The following PCDHGA6 variants were observed in gnomAD, a reference collection of about 807,000 sequenced individuals.
The protein encoded by PCDHGA6 is protocadherin gamma-A6.
Under a neutral mutation model 60.6 loss-of-function variants are expected in PCDHGA6, and 41 were observed. The ratio of observed to expected loss-of-function variants is 0.68; its 90% confidence interval spans 0.53 to 0.88. The LOEUF (loss-of-function observed/expected upper bound fraction) is 0.88. PCDHGA6 is among the 40% of genes least tolerant of loss of function. The probability of loss-of-function intolerance (pLI) is 0.00; values close to 1 mark genes in which losing one functional copy is unlikely to be tolerated. For missense variants in PCDHGA6, 1,312 were observed against 1,203.0 expected, an observed-to-expected ratio of 1.09 and a Z score of -1.34; for synonymous variants, 594 against 524.4, an observed-to-expected ratio of 1.13 and a Z score of -1.81.
At chr5:141,427,650 G>C (rs1352503291) in intron 1 of PCDHGA6, 1 of 718,312 alleles carries the variant, frequency 1.4e-6, no homozygotes. Flanking sequence ...AGTCTCCTAC[G>C]TGGTCCACGT....
At chr5:141,439,496 G>A (rs1166315364) in intron 1 of PCDHGA6, among the ~76,000 whole-genome samples, 2 of 152,152 alleles carry the variant, frequency 1.3e-5, no homozygotes, top group Non-Finnish European at 2.9e-5. Context: ...AGTGAGAAAC[G>A]TCTTTCTCTC....
chr5:141,410,617 T>A, intron 1 of PCDHGA6: 2 of 1,603,978 alleles, frequency 1.2e-6, no homozygotes, highest in Non-Finnish European at 1.7e-6. Flanking sequence ...AGACTCTGAC[T>A]TCGGTGAGTT....
intron 1 of PCDHGA6, chr5:141,399,111 A>G (rs1561667842): frequency 1.9e-6 from 3 of 1,613,732 alleles, no homozygotes; most frequent in East Asian, 2.2e-5. Context: ...CACAATGTAC[A>G]GTTGAAATTA....
intron 1 of PCDHGA6, among the ~76,000 whole-genome samples, chr5:141,462,783 T>C (rs1313584666): frequency 6.6e-6 from 1 of 152,236 alleles, no homozygotes; most frequent in Non-Finnish European, 1.5e-5. Flanking sequence ...CATAATTTGT[T>C]GCTTATTTGC....
chr5:141,438,591 C>CATATATATATAT (rs946798767), intron 1 of PCDHGA6, among the ~76,000 whole-genome samples: 3 of 75,560 alleles, frequency 4.0e-5, no homozygotes, highest in Non-Finnish European at 5.4e-5. Flanking sequence ...TACATACATA[C>CATATATATATAT]ATATATATAT....
Position 141,431,559 on chromosome 5 carries a change from C to T in PCDHGA6, c.2424+55052C>T. 6.2e-7 allele frequency: 1 copy of T among 1,614,158 alleles called. No individual in the cohort carries two copies. On this transcript the variant is annotated intron_variant, in intron 1 of 3. Transcript: ENST00000517434. The surrounding 1 kb of genome is among the most constrained non-coding windows in gnomAD (Gnocchi z 4.8). ...ACGCAGCTGCTTGTAGTCAACGCTA[C>T]CGACCCTGACGAAGGAGTCAATGCG...
In PCDHGA6 at chr5:141,375,200, G is replaced by C. The variant is rs755732164; in HGVS notation, c.1117G>C (p.Asp373His). ...GTVIALFQVFDRDSGLNGLVT... is the reference protein window; with the variant it reads ...GTVIALFQVFHRDSGLNGLVT... ...AGTAATCGCCCTTTTTCAAGTGTTC[G>C]ATCGAGACTCTGGCCTGAATGGCCT... The change falls in exon 1 of 4, where the codon GAT becomes CAT. Residue 373 changes from aspartate to histidine, a missense_variant. Transcript: ENST00000517434. The C allele has an allele frequency of 1.9e-6, 3 of 1,613,940 alleles. No homozygotes were observed. The highest frequency in any genetic ancestry group is 2.5e-6 in the Non-Finnish European group (3 of 1,179,894).
At chr5:141,413,924 A>T in intron 1 of PCDHGA6, 1 of 1,613,408 alleles carries the variant, frequency 6.2e-7, no homozygotes, top group Non-Finnish European at 8.5e-7. Context: ...ACCTTGCCAG[A>T]ATACCGAGTG....
chr5:141,374,092 T>G lies in PCDHGA6; in HGVS notation c.9T>G (p.Pro3=). The change falls in exon 1 of 4, where the codon CCT becomes CCG. Residue 3 remains proline, a synonymous_variant. Transcript: ENST00000517434. ...TTCCTAATAAGCCAGTAATGGCGCC[T>G]CCGCAGAGGCATCCGCAGCGCAGCG... MA[P]PQRHPQRSEQ... 1.3e-6 allele frequency: 2 copies of G among 1,537,780 alleles called. No individual in the cohort carries two copies.
At chr5:141,395,109 A>G (rs1181706209) in intron 1 of PCDHGA6, 1 of 1,614,092 alleles carries the variant, frequency 6.2e-7, no homozygotes, top group Admixed American at 1.7e-5. Context: ...CTCGCGGAAG[A>G]GTCACCTGAT....
intron 1 of PCDHGA6, chr5:141,414,763 C>A: frequency 6.2e-7 from 1 of 1,614,258 alleles, no homozygotes; most frequent in Non-Finnish European, 8.5e-7. Flanking sequence ...TGAGCAGTTT[C>A]ATGAGCTACA....
intron 3 of PCDHGA6, among the ~76,000 whole-genome samples, chr5:141,509,164 C>A (rs1454864362): frequency 6.6e-6 from 1 of 152,188 alleles, no homozygotes; most frequent in Non-Finnish European, 1.5e-5. Context: ...TCCCGTGTGC[C>A]CTCCTCCTCT....
At chr5:141,428,792 T>A (rs1590880161) in intron 1 of PCDHGA6, 1 of 152,978 alleles carries the variant, frequency 6.5e-6, no homozygotes, top group Middle Eastern at 3.4e-3. Flanking sequence ...TTCCTTTCTG[T>A]GTGGGCCAGT....
At chr5:141,399,598 G>A in intron 1 of PCDHGA6, 1 of 1,613,964 alleles carries the variant, frequency 6.2e-7, no homozygotes, top group Non-Finnish European at 8.5e-7. Context: ...CATGGCCAGC[G>A]ACCTAGAGCC....
At chr5:141,407,851 C>T (rs2094989102) in intron 1 of PCDHGA6, among the ~76,000 whole-genome samples, 1 of 152,194 alleles carries the variant, frequency 6.6e-6, no homozygotes, top group Non-Finnish European at 1.5e-5. Flanking sequence ...GGGGGATGTA[C>T]ACCTGCATTT....
intron 2 of PCDHGA6, among the ~76,000 whole-genome samples, chr5:141,504,563 C>G (rs1036149640): frequency 3.3e-5 from 5 of 149,436 alleles, no homozygotes; most frequent in African/African-American, 1.2e-4. Context: ...GACTGGCATT[C>G]TAGGGAACAC....
intron 1 of PCDHGA6, among the ~76,000 whole-genome samples, chr5:141,435,651 C>T (rs762264332): frequency 1.4e-4 from 22 of 152,044 alleles, no homozygotes; most frequent in Non-Finnish European, 2.9e-4. Flanking sequence ...ATTTCTGAAA[C>T]GTGCACAGAT....
chr5:141,374,310 C>G lies in PCDHGA6; in HGVS notation c.227C>G (p.Ser76Cys), dbSNP rs770058469. ...TCCAGAGGTAGGATGCAGCTTTTCT[C>G]TCTGAATCCGCGAAACGGCAGCTTG... ...IVSRGRMQLFSLNPRNGSLVT... is the reference protein window; with the variant it reads ...IVSRGRMQLFCLNPRNGSLVT... The change falls in exon 1 of 4, where the codon TCT (serine) becomes TGT (cysteine). Residue 76 changes from serine to cysteine, a missense_variant. Transcript: ENST00000517434. The G allele has an allele frequency of 2.5e-6, 4 of 1,614,006 alleles. No individual in the cohort carries two copies. Among genetic ancestry groups the G allele is most frequent in the South Asian group, 1.1e-5 (1 of 91,088 alleles).
intron 1 of PCDHGA6, chr5:141,395,078 G>A: frequency 1.2e-6 from 2 of 1,614,126 alleles, no homozygotes; most frequent in Non-Finnish European, 1.7e-6. Flanking sequence ...CCTATTCCCA[G>A]GAAGTCTCCC....
Sources: allele counts gnomAD v4.1 joint callset (sites outside exome capture counted in the v4.1 genomes callset), GRCh38; gene constraint gnomAD v4.1.1; non-coding constraint Gnocchi (gnomAD v3.1); transcripts MANE v1.5; gene names NCBI Gene and HGNC (gene_info 2026-07-23, HGNC 2026-07-21).